Variants in SEC24A observed in about 807,000 individuals in gnomAD.
SEC24A encodes SEC24 homolog A, COPII component.
Under a neutral mutation model 129.4 loss-of-function variants are expected in SEC24A, and 93 were observed. The ratio of observed to expected loss-of-function variants is 0.72; its 90% CI spans 0.61 to 0.85. SEC24A has a LOEUF of 0.85. Among genes scored for constraint, SEC24A ranks in the 40% least tolerant of loss-of-function variants. SEC24A has a pLI of 0.00. For missense variants in SEC24A, 1,264 were observed against 1,307.4 expected (o/e 0.97, Z 0.51); for synonymous variants, 460 against 467.3 (o/e 0.98, Z 0.20).
At chr5:134,679,551 A>T (rs752220412) in intron 7 of SEC24A, 51 bp from the exon 8 acceptor site, 1 of 1,367,864 alleles carries the variant, frequency 7.3e-7, no homozygotes, top group Non-Finnish European at 1.0e-6. Context: ...TTATGTTTTC[A>T]ACATGATGAT....
At position 134,671,873 on chromosome 5, in the gene SEC24A, A is replaced by G. The variant is rs1380826253; in HGVS notation, c.804A>G (p.Gly268=). The change falls in exon 4 of 23, where the codon GGA becomes GGG. Residue 268 remains glycine (G), a synonymous_variant. Transcript: ENST00000398844. ...ACAGTAGTTACGACGAGATTGAAGG[A>G]GGTGGCTTATTGGGTGAGATGCTAT... ...VVHSSYDEIE[G]GGLLATPQLT... The G allele has an allele frequency of 3.7e-6, 6 of 1,607,974 alleles. No individual in the cohort carries two copies. The highest frequency in any genetic ancestry group is 2.5e-6 in the Non-Finnish European group (3 of 1,176,916).
intron 1 of SEC24A, among the ~76,000 whole-genome samples, chr5:134,656,812 C>CA (rs1173105134): frequency 6.8e-6 from 1 of 146,512 alleles, no homozygotes; most frequent in African/African-American, 2.5e-5. Flanking sequence ...AGACAGCTCT[C>CA]ATTCTGTCGC....
chr5:134,677,164 G>C (rs1027768594), intron 7 of SEC24A, among the ~76,000 whole-genome samples: 8 of 152,014 alleles, frequency 5.3e-5, no homozygotes, highest in Admixed American at 4.6e-4. Flanking sequence ...AGAATTGCTT[G>C]GGTCTATGAG....
At chr5:134,724,588 C>CA (rs757083360) in intron 22 of SEC24A, among the ~76,000 whole-genome samples, 1,157 of 91,298 alleles carry the variant, frequency 0.013, 6 homozygotes, top group Middle Eastern at 0.062. Context: ...AACTCCATCT[C>CA]AAAAAAAAAA....
At chr5:134,720,878 G>T in intron 20 of SEC24A, 120 bp from the exon 21 acceptor site, 2 of 543,692 alleles carry the variant, frequency 3.7e-6, no homozygotes, top group Non-Finnish European at 3.3e-6. Flanking sequence ...CTCCAGCCTG[G>T]GTGACAGAGT....
At chr5:134,709,012 C>A in intron 18 of SEC24A, 124 bp downstream of exon 18, 2 of 879,478 alleles carry the variant, frequency 2.3e-6, no homozygotes, top group Non-Finnish European at 3.5e-6. Flanking sequence ...TTGAGACCAG[C>A]CTGGGCAATA....
At chr5:134,668,883 C>CA (rs898921358) in intron 3 of SEC24A, among the ~76,000 whole-genome samples, 14 of 147,876 alleles carry the variant, frequency 9.5e-5, no homozygotes, top group South Asian at 2.2e-4. Context: ...GACTCTGTCT[C>CA]AAAAAAAAAT....
intron 17 of SEC24A, among the ~76,000 whole-genome samples, chr5:134,708,314 TTTAA>T (rs1264269840): frequency 1.3e-5 from 2 of 152,158 alleles, no homozygotes; most frequent in Admixed American, 6.6e-5. Flanking sequence ...AAAAAATTGT[TTTAA>T]TTAATTAAAA....
chr5:134,710,804 T>C (rs559825471), intron 18 of SEC24A, among the ~76,000 whole-genome samples: 5 of 152,304 alleles, frequency 3.3e-5, no homozygotes, highest in South Asian at 2.1e-4. Flanking sequence ...TCCAAACTTA[T>C]TGCCTCAGGA....
Position 134,703,739 on chromosome 5 carries a change from G to C in SEC24A, c.2267-20G>C. Reference sequence around the variant, plus strand: ...TATGTAGGTATATAAAAATAATTTTGTTACCTTTTTCTCTTCTAGGTCTTT... The same window carrying C: ...TATGTAGGTATATAAAAATAATTTTCTTACCTTTTTCTCTTCTAGGTCTTT... On this transcript the variant is annotated intron_variant, in intron 15 of 22. Coordinates refer to ENST00000398844, the MANE Select transcript of SEC24A (RefSeq NM_021982.3). 1 of 1,554,524 alleles carries C rather than the reference G, an allele frequency of 6.4e-7. No homozygotes were observed.
At chr5:134,696,814 A>T (rs1419268575) in intron 13 of SEC24A, among the ~76,000 whole-genome samples, 16 of 148,368 alleles carry the variant, frequency 1.1e-4, no homozygotes, top group Middle Eastern at 3.4e-3. Context: ...TTTTTTTTTT[A>T]AATAAATAAA....
At chr5:134,721,561 C>CA (rs757908828) in intron 21 of SEC24A, among the ~76,000 whole-genome samples, 2,870 of 55,102 alleles carry the variant, frequency 0.052, 68 homozygotes, top group East Asian at 0.065. Context: ...GACTCCATCT[C>CA]AAAAAAAAAA....
intron 10 of SEC24A, among the ~76,000 whole-genome samples, chr5:134,687,513 A>G (rs139641233): frequency 2.3e-3 from 351 of 152,288 alleles, no homozygotes; most frequent in Admixed American, 3.9e-3. Context: ...TGACCTTTCT[A>G]TGTAATGAAG....
chr5:134,652,792 T>C (rs920471853), intron 1 of SEC24A, among the ~76,000 whole-genome samples: 1 of 151,802 alleles, frequency 6.6e-6, no homozygotes, highest in Non-Finnish European at 1.5e-5. Flanking sequence ...TGTTTTGTTT[T>C]GTTTTTGTTT....
intron 16 of SEC24A, 54 bp from the exon 17 acceptor site, chr5:134,705,273 A>C (rs958603416): frequency 7.3e-7 from 1 of 1,367,970 alleles, no homozygotes; most frequent in African/African-American, 1.4e-5. Flanking sequence ...CTTTAACATA[A>C]TCTTTTGTTT....
At chr5:134,672,044 G>T (rs974605327) in intron 4 of SEC24A, among the ~76,000 whole-genome samples, 158 bp downstream of exon 4, 3 of 152,068 alleles carry the variant, frequency 2.0e-5, no homozygotes, top group Non-Finnish European at 2.9e-5. Context: ...TGGACACAGG[G>T]TCTCACTCTG....
Position 134,696,885 on chromosome 5 carries a change from C to T in SEC24A, c.1987-241C>T, listed in dbSNP as rs555133051. Among the ~76,000 whole-genome samples the T allele has an allele frequency of 5.3e-5, 8 of 151,942 alleles. No homozygotes were observed. In the South Asian group the frequency reaches 1.7e-3, roughly 32 times the overall value. On this transcript the variant is annotated intron_variant, in intron 13 of 22. Transcript: ENST00000398844. ...TCAAGCAGTCCACCCGCCTTGGCTT[C>T]CCAAAGTGCTAGGATTACAGGTGTG...
Position 134,693,743 on chromosome 5 carries a change from T to C in SEC24A, c.1796T>C (p.Leu599Pro). 6.2e-7 allele frequency: 1 copy of C among 1,613,804 alleles called. No homozygotes were observed. Among genetic ancestry groups the C allele is most frequent in the Non-Finnish European group, 8.5e-7 (1 of 1,179,892 alleles). ...NESKELVQDL[L>P]KTLPQMFTKT... ...TTTTACAAGCTCGTGCAAGATTTAC[T>C]GAAAACTTTGCCACAAATGTTTACC... is the stretch of plus-strand genomic sequence containing the variant. The change falls in exon 13 of 23, where the codon CTG (leucine) becomes CCG (proline). Residue 599 changes from leucine to proline, a missense_variant. Transcript: ENST00000398844.
chr5:134,699,200 G>T (rs1473911106), intron 15 of SEC24A, among the ~76,000 whole-genome samples: 1 of 151,884 alleles, frequency 6.6e-6, no homozygotes, highest in Non-Finnish European at 1.5e-5. Context: ...AAAGTGTTAG[G>T]ATTACAGGCA....
Sources: gnomAD v4.1 joint callset for allele counts (sites outside exome capture counted in the v4.1 genomes callset) on GRCh38, gnomAD v4.1.1 for gene constraint, MANE v1.5 for transcripts, NCBI Gene and HGNC (gene_info 2026-07-23, HGNC 2026-07-21) for gene names.